The following TOMT variants were observed in gnomAD, a reference collection of about 807,000 sequenced individuals.
TOMT encodes transmembrane O-methyltransferase.
In TOMT, 23 loss-of-function variants were observed where a neutral mutation model predicts 21.7. The observed-to-expected ratio is 1.06, with a 90% confidence interval of 0.76 to 1.50. The LOEUF is 1.50. TOMT is among the 40% of genes most tolerant of loss of function. The pLI is 0.00. For synonymous variants in TOMT, 132 were observed against 150.8 expected (o/e 0.88, Z 0.91); for missense variants, 331 against 348.7 (o/e 0.95, Z 0.41).
intron 1 of TOMT, chr11:72,107,095 C>A: frequency 3.6e-6 from 1 of 278,178 alleles, no homozygotes; most frequent in Admixed American, 5.4e-5. Context: ...GCAAGACCCC[C>A]GTTTCTACAA....
exon 3 of TOMT, chr11:72,108,878 G>C (rs1946021788): frequency 6.5e-7 from 1 of 1,549,896 alleles, no homozygotes; most frequent in African/African-American, 1.4e-5. Flanking sequence ...AGACTTCCCT[G>C]CCATCAAGGA....
exon 3 of TOMT, chr11:72,108,765 C>T: frequency 6.4e-7 from 1 of 1,550,462 alleles, no homozygotes; most frequent in Non-Finnish European, 8.7e-7. Flanking sequence ...GCAGGTGCCA[C>T]CGTGCTGGCT....
exon 3 of TOMT, chr11:72,108,978 G>A: frequency 2.1e-6 from 3 of 1,409,076 alleles, no homozygotes; most frequent in Non-Finnish European, 2.8e-6. Context: ...CACCCAAGCA[G>A]GGACCTCAAA....
At chr11:72,109,484 C>G (rs746232264), downstream of TOMT, 2 of 387,856 alleles carry the variant, frequency 5.2e-6, no homozygotes, top group Non-Finnish European at 1.0e-5. Flanking sequence ...CCCACCTAGC[C>G]AATTAGGTGT....
intron 1 of TOMT, 106 bp downstream of exon 1, chr11:72,106,316 C>A: frequency 8.1e-7 from 1 of 1,237,498 alleles, no homozygotes; most frequent in Non-Finnish European, 1.1e-6. Flanking sequence ...GTTCTTGATC[C>A]TCTTTTAGGG....
intron 1 of TOMT, chr11:72,107,110 T>A (rs28575037): frequency 4.0e-5 from 12 of 303,712 alleles, no homozygotes; most frequent in Admixed American, 2.1e-4. Flanking sequence ...CTACAAAAAA[T>A]TTAAAAATTA....
chr11:72,108,901 G>A (rs1946024954), exon 3 of TOMT: 2 of 1,545,290 alleles, frequency 1.3e-6, no homozygotes, highest in East Asian at 2.4e-5. Context: ...GAATAGCTCA[G>A]CTCACCTATG....
At chr11:72,108,166 T>G in intron 2 of TOMT, 47 bp downstream of exon 2, 11 of 1,415,406 alleles carry the variant, frequency 7.8e-6, no homozygotes, top group Non-Finnish European at 1.0e-5. Flanking sequence ...CCCCAGGCCT[T>G]GCCCCCAGAC....
chr11:72,108,538 C>T lies in TOMT; in HGVS notation c.457-67C>T, dbSNP rs143294861. 5.0e-3 allele frequency: 6,940 copies of T among 1,376,554 alleles called. 30 individuals are homozygous for T. Among genetic ancestry groups the T allele is most frequent in the Middle Eastern group, 6.2e-3 (33 of 5,362 alleles). 85.3% of individuals were successfully genotyped at this position (1,376,554 alleles called of 1,614,324 possible). A position where few individuals can be genotyped will look rare whatever the true frequency, so the allele number is the denominator to read the frequency against. On this transcript the variant is annotated intron_variant, in intron 2 of 2. Coordinates refer to ENST00000541899, the Ensembl canonical transcript of TOMT. ...GACCTGGCATGAAGTAAGCCAGATC[C>T]TGGTGGGGTCTTGACTGGGAGAACA...
chr11:72,108,531 C>A, intron 2 of TOMT, 74 bp from the exon 3 acceptor site: 1 of 1,349,952 alleles, frequency 7.4e-7, no homozygotes, highest in Non-Finnish European at 9.8e-7. Flanking sequence ...ATGAAGTAAG[C>A]CAGATCCTGG....
chr11:72,108,103 G>A, exon 2 of TOMT: 1 of 1,521,274 alleles, frequency 6.6e-7, no homozygotes, highest in South Asian at 1.3e-5. Flanking sequence ...CGCCTGGCCG[G>A]CTTTGATGAG....
intron 1 of TOMT, chr11:72,106,544 GTCTCCACATCTTTCC>G (rs1945707012): frequency 5.0e-6 from 1 of 201,694 alleles, no homozygotes; most frequent in Non-Finnish European, 9.9e-6. Flanking sequence ...GTAATTATCT[GTCTCCACATCTTTCC>G]TCTCCACCAT....
exon 3 of TOMT, chr11:72,108,808 C>T: frequency 6.4e-7 from 1 of 1,550,718 alleles, no homozygotes; most frequent in Non-Finnish European, 8.7e-7. Flanking sequence ...CACCCCGCTT[C>T]TTGCAGTATG....
chr11:72,108,589 C>T lies in TOMT; in HGVS notation c.457-16C>T. The T allele has an allele frequency of 6.9e-7, 1 of 1,441,040 alleles. No homozygotes were observed. Among genetic ancestry groups the T allele is most frequent in the Non-Finnish European group, 9.1e-7 (1 of 1,093,260 alleles). 89.3% of individuals were successfully genotyped at this position (1,441,040 alleles called of 1,614,324 possible). On this transcript the variant is annotated splice_polypyrimidine_tract_variant and intron_variant, in intron 2 of 2. Transcript: ENST00000541899. ...ATTCCCCCCACCCTCACCTCCAGCT[C>T]CCCCTATCCCCACAGGTGGAGCTCA...
chr11:72,108,502 A>G, intron 2 of TOMT, 103 bp from the exon 3 acceptor site: 1 of 1,004,198 alleles, frequency 1.0e-6, no homozygotes. Context: ...ACTCATGGGA[A>G]GCTAAGCCAG....
Position 72,107,294 on chromosome 11 carries a change from A to G in TOMT, c.260-629A>G, listed in dbSNP as rs187407105. On this transcript the variant is annotated intron_variant, in intron 1 of 2. Transcript: ENST00000541899. Reference sequence around the variant, plus strand: ...AAATAAATAAATAAAAGTTCATCCAATTCCAAGATCAGAAATACATTTGAT... The same window carrying G: ...AAATAAATAAATAAAAGTTCATCCAGTTCCAAGATCAGAAATACATTTGAT... 1.0e-4 allele frequency: 60 copies of G among 602,558 alleles called. 2 individuals are homozygous for G. Among genetic ancestry groups the G allele is most frequent in the East Asian group, 8.1e-4 (29 of 35,948 alleles). 37.3% of individuals were successfully genotyped at this position (602,558 alleles called of 1,614,324 possible).
At position 72,105,946 on chromosome 11, in the gene TOMT, G is replaced by T; in HGVS notation, c.-6G>T. The T allele has an allele frequency of 1.3e-6, 2 of 1,544,506 alleles. No homozygotes were observed. Among genetic ancestry groups the T allele is most frequent in the Non-Finnish European group, 1.8e-6 (2 of 1,142,492 alleles). ...CTCCCTCCACCCCAGGGCCCAGGTA[G>T]GGACCATGTCCCCTGCCATTGCATT... On this transcript the variant is annotated 5_prime_UTR_variant, in exon 1 of 3. It adds an upstream start codon to the 5' untranslated region. Coordinates refer to ENST00000541899, the Ensembl canonical transcript of TOMT.
exon 2 of TOMT, chr11:72,108,068 G>C (rs772573727): frequency 6.5e-7 from 1 of 1,541,918 alleles, no homozygotes; most frequent in African/African-American, 1.4e-5. Context: ...ACCCACGCAC[G>C]GCAGCAGTGG....
At chr11:72,107,252 G>T (rs1945776936) in intron 1 of TOMT, 1 of 597,000 alleles carries the variant, frequency 1.7e-6, no homozygotes, top group African/African-American at 1.9e-5. Context: ...GGGCAACACA[G>T]CAAGACTTGG....
Sources: gnomAD v4.1 joint callset for allele counts on GRCh38, gnomAD v4.1.1 for gene constraint, MANE v1.5 for transcripts, NCBI Gene and HGNC (gene_info 2026-07-23, HGNC 2026-07-21) for gene names.